Variants in TET2 observed in about 807,000 individuals in gnomAD.
The protein encoded by TET2 is methylcytosine dioxygenase TET2.
Under a neutral mutation model 142.9 loss-of-function variants are expected in TET2, and 299 were observed. That is an observed-to-expected ratio of 2.09 (90% CI 1.90 to 2.30). TET2 has a LOEUF of 2.30. TET2 is among the 30% of genes most tolerant of loss of function. The probability of loss-of-function intolerance (pLI) is 0.00; values close to 1 mark genes in which losing one functional copy is unlikely to be tolerated. For missense variants in TET2, 2,418 were observed against 2,378.0 expected (o/e 1.02, Z -0.35); for synonymous variants, 819 against 849.0 (o/e 0.96, Z 0.61).
intron 2 of TET2, among the ~76,000 whole-genome samples, chr4:105,201,506 A>G (rs1726463489): frequency 2.0e-5 from 3 of 152,170 alleles, no homozygotes; most frequent in Admixed American, 1.3e-4. Flanking sequence ...TAAAATTATC[A>G]GTTGCTAACA....
chr4:105,195,679 A>C (rs1726044153), intron 2 of TET2, among the ~76,000 whole-genome samples: 1 of 150,446 alleles, frequency 6.6e-6, no homozygotes, highest in Non-Finnish European at 1.5e-5. Flanking sequence ...CAAGAAAATT[A>C]ATCTGTACAT....
At chr4:105,241,663 C>G (rs1287762716) in intron 4 of TET2, 4 of 1,280,800 alleles carry the variant, frequency 3.1e-6, no homozygotes, top group Non-Finnish European at 4.0e-6. Context: ...GCGATGGATG[C>G]CAGAAAACCC....
At chr4:105,218,747 A>T (rs184603850) in intron 2 of TET2, among the ~76,000 whole-genome samples, 1 of 152,178 alleles carries the variant, frequency 6.6e-6, no homozygotes, top group African/African-American at 2.4e-5. Context: ...TTGTCTTCTC[A>T]GTTAAATAAT....
At chr4:105,177,019 G>T (rs539694223) in intron 1 of TET2, among the ~76,000 whole-genome samples, 1 of 152,180 alleles carries the variant, frequency 6.6e-6, no homozygotes, top group South Asian at 2.1e-4. Flanking sequence ...GAGCAAAGAT[G>T]GTCTTTTCAA....
chr4:105,182,674 G>C (rs1352448862), intron 1 of TET2, among the ~76,000 whole-genome samples: 1 of 152,016 alleles, frequency 6.6e-6, no homozygotes, highest in Non-Finnish European at 1.5e-5. Context: ...AAATTTCCTT[G>C]TTTCAATTTT....
At chr4:105,152,945 G>T (rs1258323028) in intron 1 of TET2, among the ~76,000 whole-genome samples, 2 of 152,114 alleles carry the variant, frequency 1.3e-5, no homozygotes, top group African/African-American at 4.8e-5. Context: ...GTGTCTTGGT[G>T]ATGGTGATGA....
chr4:105,232,899 G>A (rs1728586759), intron 2 of TET2, among the ~76,000 whole-genome samples: 1 of 152,134 alleles, frequency 6.6e-6, no homozygotes, highest in African/African-American at 2.4e-5. Context: ...AACACTGAAG[G>A]GAGTGTGCCT....
rs113224933 is a variant in TET2 at position 105,223,421 on chromosome 4, GC to G, written c.-46-10473del. On this transcript the variant is annotated intron_variant, in intron 2 of 10. Transcript: ENST00000380013. ...AATAGTTTTTAATTTTATAAGAAATGCCCTATAAAAAACACTTTCTTTACCT... is the reference window on the plus strand; with the variant it reads ...AATAGTTTTTAATTTTATAAGAAATGCCTATAAAAAACACTTTCTTTACCT... 2.3e-3 allele frequency among the ~76,000 whole-genome samples: 344 copies of G among 152,054 alleles called. 1 individual carries two copies. The highest frequency in any genetic ancestry group is 0.019 in the South Asian group (89 of 4,806).
intron 4 of TET2, chr4:105,241,905 G>T: frequency 8.1e-7 from 1 of 1,238,792 alleles, no homozygotes; most frequent in South Asian, 4.2e-5. Flanking sequence ...GTGATATGTT[G>T]AATAGAAAGA....
chr4:105,229,983 T>C (rs1406067060), intron 2 of TET2, among the ~76,000 whole-genome samples: 2 of 152,172 alleles, frequency 1.3e-5, no homozygotes, highest in Non-Finnish European at 2.9e-5. Flanking sequence ...TAACCTTTTA[T>C]TACTGCAAAA....
At chr4:105,172,993 C>A (rs1560723720) in intron 1 of TET2, among the ~76,000 whole-genome samples, 1 of 152,076 alleles carries the variant, frequency 6.6e-6, no homozygotes, top group African/African-American at 2.4e-5. Context: ...GAGCAGAAAG[C>A]AAATTAGTTT....
intron 4 of TET2, 165 bp from the exon 5 acceptor site, chr4:105,242,669 A>G: frequency 9.4e-6 from 13 of 1,377,042 alleles, no homozygotes; most frequent in Non-Finnish European, 1.2e-5. Context: ...CTTAAAAACC[A>G]TTATCCAGTT....
chr4:105,236,608 A>G lies in TET2; in HGVS notation c.2666A>G (p.Lys889Arg). 1.2e-6 allele frequency: 2 copies of G among 1,614,126 alleles called. No individual in the cohort carries two copies. Among genetic ancestry groups the G allele is most frequent in the African/African-American group, 1.3e-5 (1 of 75,064 alleles). Residue 889 changes from lysine (K) to arginine (R), a missense_variant, in exon 3 of 11, where the codon AAG becomes AGG. Physicochemically the swap from Lys to Arg is conservative, Grantham distance 26. Transcript: ENST00000380013. ...AGGTGCTTTCAAGAACAGGAGCAGA[A>G]GTCACAACAAGCTTCAGTTCTACAG... ...LHRCFQEQEQ[K>R]SQQASVLQGY...
rs1278955556 is a variant in TET2 at position 105,278,173 on chromosome 4, T to C, written c.*1654T>C. ...ACTGTAAAAAAATTAAATATATACATATATATATATATATATATATATATA... is the reference window on the plus strand; with the variant it reads ...ACTGTAAAAAAATTAAATATATACACATATATATATATATATATATATATA... On this transcript the variant is annotated 3_prime_UTR_variant, in exon 11 of 11. Transcript: ENST00000380013. 3.5e-5 allele frequency: 3 copies of C among 86,708 alleles called. No individual in the cohort carries two copies. The highest frequency in any genetic ancestry group is 7.4e-5 in the Non-Finnish European group (3 of 40,494). The allele number at this position is 86,708 out of a possible 1,614,324, so 5.4% of individuals were successfully genotyped here.
intron 1 of TET2, among the ~76,000 whole-genome samples, chr4:105,175,599 T>C (rs72955143): frequency 0.031 from 4,671 of 152,024 alleles, 232 homozygotes; most frequent in African/African-American, 0.1. Context: ...ACAAAAGGTA[T>C]AATGTACGTG....
At chr4:105,189,204 G>GATA (rs142863568) in intron 1 of TET2, among the ~76,000 whole-genome samples, 1 of 151,854 alleles carries the variant, frequency 6.6e-6, no homozygotes, top group Non-Finnish European at 1.5e-5. Flanking sequence ...TGATGATAAT[G>GATA]ATAATAATAA....
At chr4:105,209,461 T>C (rs961553369) in intron 2 of TET2, among the ~76,000 whole-genome samples, 2 of 152,014 alleles carry the variant, frequency 1.3e-5, no homozygotes, top group Non-Finnish European at 2.9e-5. Flanking sequence ...GGTTGACTTC[T>C]AGACTAGAGA....
At chr4:105,273,125 T>G (rs1013217461) in intron 10 of TET2, among the ~76,000 whole-genome samples, 5 of 152,216 alleles carry the variant, frequency 3.3e-5, no homozygotes, top group Admixed American at 6.5e-5. Context: ...ATCTTCCTGA[T>G]GCACCCCTAC....
intron 6 of TET2, among the ~76,000 whole-genome samples, chr4:105,246,168 C>G (rs1352176776): frequency 6.6e-6 from 1 of 152,116 alleles, no homozygotes; most frequent in South Asian, 2.1e-4. Flanking sequence ...GGTAACCCAC[C>G]CACCCTGGCC....
Sources: gnomAD v4.1 joint callset for allele counts (sites outside exome capture counted in the v4.1 genomes callset) on GRCh38, gnomAD v4.1.1 for gene constraint, MANE v1.5 for transcripts, NCBI Gene and HGNC (gene_info 2026-07-23, HGNC 2026-07-21) for gene names.